The following RANBP2 variants were observed in gnomAD, a reference collection of about 807,000 sequenced individuals.
RANBP2 encodes RAN binding protein 2, also known as E3 SUMO-protein ligase RanBP2.
In RANBP2, 57 loss-of-function variants were observed where a neutral mutation model predicts 303.6. That is an observed-to-expected ratio of 0.19 (90% CI 0.15 to 0.23). The LOEUF is 0.23. Ranked by LOEUF, RANBP2 falls within the 10% of genes least tolerant of loss-of-function variation. The probability of loss-of-function intolerance (pLI) is 1.00; values close to 1 mark genes in which losing one functional copy is unlikely to be tolerated. For synonymous variants in RANBP2, 1,167 were observed against 1,301.5 expected, an observed-to-expected ratio of 0.90 and a Z score of 2.23; for missense variants, 3,138 against 3,780.8, an observed-to-expected ratio of 0.83 and a Z score of 4.46.
At chr2:109,445,786 A>G in the RANBP2 span, among the ~76,000 whole-genome samples, 2 of 152,078 alleles carry the variant, frequency 1.3e-5, no homozygotes, top group African/African-American at 4.8e-5. Context: ...TGGGAGTTCC[A>G]TTTCATCCCT....
At chr2:108,963,355 C>A in the RANBP2 span, among the ~76,000 whole-genome samples, 4 of 152,152 alleles carry the variant, frequency 2.6e-5, no homozygotes, top group Admixed American at 2.0e-4. Context: ...AAATCTGTTT[C>A]TAGGATGCCT....
the RANBP2 span, among the ~76,000 whole-genome samples, chr2:108,921,872 G>C: frequency 6.6e-6 from 1 of 152,264 alleles, no homozygotes; most frequent in Non-Finnish European, 1.5e-5. Context: ...CAGCAGGACT[G>C]TCTATTTCTC....
chr2:109,398,757 T>C, the RANBP2 span: 25 of 1,613,558 alleles, frequency 1.5e-5, no homozygotes, highest in East Asian at 2.9e-4. Context: ...GGCGTGTGGA[T>C]GGCAAGAAGA....
the RANBP2 span, among the ~76,000 whole-genome samples, chr2:109,596,155 C>T: frequency 3.3e-5 from 5 of 152,076 alleles, no homozygotes; most frequent in African/African-American, 9.7e-5. Context: ...CCTCAGTTTC[C>T]GAAACAGCTG....
At chr2:109,266,397 T>C in the RANBP2 span, among the ~76,000 whole-genome samples, 5 of 151,510 alleles carry the variant, frequency 3.3e-5, no homozygotes, top group Admixed American at 3.3e-4. Context: ...CAAGCAGGAG[T>C]GTCCTCCGAT....
At chr2:108,812,895 C>G in the RANBP2 span, 2 of 1,613,048 alleles carry the variant, frequency 1.2e-6, no homozygotes, top group Non-Finnish European at 1.7e-6. Context: ...AAGTTTAAAA[C>G]AAGAAAAAGC....
the RANBP2 span, among the ~76,000 whole-genome samples, chr2:109,406,731 C>T: frequency 6.6e-6 from 1 of 152,202 alleles, no homozygotes; most frequent in Non-Finnish European, 1.5e-5. Flanking sequence ...GAGCCCATTA[C>T]AGAAAATGCC....
chr2:108,757,298 G>C (rs1676392448), intron 17 of RANBP2, among the ~76,000 whole-genome samples: 1 of 152,190 alleles, frequency 6.6e-6, no homozygotes. Context: ...AGATGAGGTA[G>C]CCACATAGCT....
chr2:109,285,467 AGT>A, the RANBP2 span, among the ~76,000 whole-genome samples: 1 of 152,142 alleles, frequency 6.6e-6, no homozygotes, highest in Non-Finnish European at 1.5e-5. Context: ...CGTTTTTGTT[AGT>A]GTGTCTGGAC....
At chr2:108,794,781 T>A in the RANBP2 span, 2 of 1,282,462 alleles carry the variant, frequency 1.6e-6, no homozygotes, top group Non-Finnish European at 2.1e-6. Flanking sequence ...AACCAAGCAT[T>A]TACGAAATTT....
At chr2:108,733,847 AT>A (rs71381983) in intron 4 of RANBP2, among the ~76,000 whole-genome samples, 8,022 of 145,388 alleles carry the variant, frequency 0.055, 544 homozygotes, top group African/African-American at 0.2. Context: ...CCTGTATCAG[AT>A]TTTTTTTTTT....
the RANBP2 span, among the ~76,000 whole-genome samples, chr2:109,205,817 C>G: frequency 6.6e-6 from 1 of 152,194 alleles, no homozygotes; most frequent in African/African-American, 2.4e-5. Context: ...GGGAAGCACA[C>G]TGTGTGTGTA....
chr2:109,243,673 G>A, the RANBP2 span, among the ~76,000 whole-genome samples: 164 of 152,294 alleles, frequency 1.1e-3, no homozygotes, highest in Non-Finnish European at 1.9e-3. Context: ...GGGCCAGGGA[G>A]GCAAAGGTCG....
At chr2:108,752,462 A>C (rs1295696901) in intron 12 of RANBP2, among the ~76,000 whole-genome samples, 2 of 151,956 alleles carry the variant, frequency 1.3e-5, no homozygotes, top group Non-Finnish European at 2.9e-5. Context: ...GGATGGTATC[A>C]TTAGAAGCGT....
chr2:109,004,278 G>A, the RANBP2 span, among the ~76,000 whole-genome samples: 2 of 152,144 alleles, frequency 1.3e-5, no homozygotes, highest in Non-Finnish European at 2.9e-5. Context: ...AGGGAGTAAG[G>A]GAGCCTGAAC....
the RANBP2 span, among the ~76,000 whole-genome samples, chr2:109,634,651 G>C: frequency 6.6e-6 from 1 of 152,230 alleles, no homozygotes; most frequent in African/African-American, 2.4e-5. Flanking sequence ...GACTCAAATG[G>C]TGACGTGTAT....
the RANBP2 span, among the ~76,000 whole-genome samples, chr2:109,542,469 C>T: frequency 6.6e-6 from 1 of 152,182 alleles, no homozygotes; most frequent in South Asian, 2.1e-4. Flanking sequence ...CTTCAAAGTA[C>T]GTTCTTCAGA....
chr2:108,851,598 C>T, the RANBP2 span, among the ~76,000 whole-genome samples: 154 of 152,260 alleles, frequency 1.0e-3, no homozygotes, highest in African/African-American at 3.0e-3. Context: ...CCACCGCGCC[C>T]GGCCTTTCTC....
At chr2:109,129,617 G>A in the RANBP2 span, 1 of 1,490,262 alleles carries the variant, frequency 6.7e-7, no homozygotes, top group Non-Finnish European at 8.9e-7. Flanking sequence ...GACGAGGACA[G>A]GCCAGGCGAG....
Sources: gnomAD v4.1 joint callset for allele counts (sites outside exome capture counted in the v4.1 genomes callset) on GRCh38, gnomAD v4.1.1 for gene constraint, MANE v1.5 for transcripts, NCBI Gene and HGNC (gene_info 2026-07-23, HGNC 2026-07-21) for gene names.